The following MEIS3 variants were observed in gnomAD, a reference collection of about 807,000 sequenced individuals.
MEIS3 encodes the protein homeobox protein Meis3.
A neutral mutation model predicts 51.4 loss-of-function variants in MEIS3; 38 were observed. The ratio of observed to expected loss-of-function variants is 0.74; its 90% CI spans 0.57 to 0.97. The LOEUF (loss-of-function observed/expected upper bound fraction) is 0.97, where lower values mean the gene tolerates loss of function less well. Ranked by LOEUF, MEIS3 falls within the 50% of genes least tolerant of loss-of-function variation. The pLI, the probability that MEIS3 is intolerant of heterozygous loss-of-function variation, is 0.00. For synonymous variants in MEIS3, 198 were observed against 201.8 expected (o/e 0.98, Z 0.16); for missense variants, 456 against 502.6 (o/e 0.91, Z 0.89).
intron 4 of MEIS3, 100 bp downstream of exon 4, chr19:47,416,552 G>A (rs1001142758): frequency 1.3e-5 from 12 of 924,840 alleles, no homozygotes; most frequent in African/African-American, 1.7e-5. Flanking sequence ...CATGGACCAG[G>A]TGGCCTTCTC....
Position 47,417,715 on chromosome 19 carries a change from G to C in MEIS3, c.13-365C>G, listed in dbSNP as rs930811488. ...GGGAGATCCATGGACACCTCCTGTA[G>C]GAACCGCGCATTGTTGTACACAAAG... On this transcript the variant is annotated intron_variant, in intron 1 of 12. Transcript: ENST00000558555. 3.7e-5 allele frequency: 26 copies of C among 699,284 alleles called. No individual in the cohort carries two copies. In the African/African-American group the frequency reaches 4.6e-4, roughly 12 times the overall value. The allele number at this position is 699,284 out of a possible 1,614,324, so 43.3% of individuals were successfully genotyped here.
At chr19:47,403,907 A>G in intron 12 of MEIS3, among the ~76,000 whole-genome samples, 1 of 152,014 alleles carries the variant, frequency 6.6e-6, no homozygotes, top group Non-Finnish European at 1.5e-5. Context: ...GAGAGAGAGA[A>G]AGAGAGACAG....
intron 6 of MEIS3, 40 bp downstream of exon 6, chr19:47,414,677 G>A: frequency 6.4e-7 from 1 of 1,552,672 alleles, no homozygotes; most frequent in Non-Finnish European, 8.7e-7. Context: ...AGGCACAGCT[G>A]TGGCTGCAGG....
rs888878957 is a variant in MEIS3, at chr19:47,406,975, C to A, written c.995-4G>T. On this transcript the variant is annotated splice_polypyrimidine_tract_variant and splice_region_variant and intron_variant, in intron 10 of 12. Transcript: ENST00000558555. The stretch of plus-strand genomic sequence containing the variant: ...GGGCTGAAGGCTGCACCCTGCCCTG[C>A]GAAGGGGGTTCAGAGGTGCAGGCTG... The A allele has an allele frequency of 8.3e-6, 13 of 1,574,816 alleles. No homozygotes were observed. In the Admixed American group the frequency reaches 1.7e-4, roughly 20 times the overall value.
Position 47,416,631 on chromosome 19 carries a change from G to A in MEIS3, c.396+21C>T, listed in dbSNP as rs546235305. 1.7e-5 allele frequency: 26 copies of A among 1,507,256 alleles called. No homozygotes were observed. In the East Asian group the frequency reaches 1.7e-4, roughly 10 times the overall value. The allele number at this position is 1,507,256 out of a possible 1,614,324, so 93.4% of individuals were successfully genotyped here. A position where few individuals can be genotyped will look rare whatever the true frequency, so the allele number is the denominator to read the frequency against. ...GGAGACCCATTGGAGGAGGGGGTGTGGGGGAGGGCTCGGGTCTCACCAGAT... is the reference window on the plus strand; with the variant it reads ...GGAGACCCATTGGAGGAGGGGGTGTAGGGGAGGGCTCGGGTCTCACCAGAT... On this transcript the variant is annotated intron_variant, in intron 4 of 12. Coordinates refer to ENST00000558555, the MANE Select transcript of MEIS3 (RefSeq NM_001301059.2).
chr19:47,409,305 C>T (rs1196394566), intron 7 of MEIS3, 58 bp from the exon 8 acceptor site: 7 of 1,583,560 alleles, frequency 4.4e-6, no homozygotes, highest in Non-Finnish European at 6.0e-6. Flanking sequence ...GACCAGAGGG[C>T]CCCAGAACTC....
At chr19:47,403,956 CTT>C (rs985119811) in intron 12 of MEIS3, among the ~76,000 whole-genome samples, 1 of 152,066 alleles carries the variant, frequency 6.6e-6, no homozygotes, top group African/African-American at 2.4e-5. Flanking sequence ...AACCCCAACA[CTT>C]TGGGAGGCAG....
At chr19:47,421,425 G>A (rs1231035247), upstream of MEIS3, among the ~76,000 whole-genome samples, 2 of 152,128 alleles carry the variant, frequency 1.3e-5, no homozygotes, top group African/African-American at 2.4e-5. Flanking sequence ...TGGTCCCCAG[G>A]ATCCCCTCTG....
intron 8 of MEIS3, 52 bp downstream of exon 8, chr19:47,409,047 C>A: frequency 6.3e-7 from 1 of 1,591,228 alleles, no homozygotes; most frequent in Non-Finnish European, 8.5e-7. Flanking sequence ...CTGTGGTCCA[C>A]CCTTCTCCCT....
intron 2 of MEIS3, 25 bp downstream of exon 2, chr19:47,417,153 G>C (rs765088038): frequency 9.8e-6 from 15 of 1,532,788 alleles, no homozygotes; most frequent in Admixed American, 8.9e-5. Flanking sequence ...AGAGAGACAG[G>C]AGCCTGAGAC....
chr19:47,417,840 T>C, intron 1 of MEIS3: 2 of 610,978 alleles, frequency 3.3e-6, no homozygotes, highest in Non-Finnish European at 5.8e-6. Flanking sequence ...ACTCGCCACG[T>C]GAATCTACCA....
chr19:47,407,340 T>TGG lies in MEIS3; in HGVS notation c.935+10_935+11dup. On this transcript the variant is annotated intron_variant, in intron 9 of 12. Coordinates refer to ENST00000558555, the MANE Select transcript of MEIS3 (RefSeq NM_001301059.2). ...CCCCGGGCCGGCCCGCGGGCCCTCC[T>TGG]GGGCCACTCACCAGTTGTTGACTTG... 6.2e-7 allele frequency: 1 copy of TGG among 1,611,786 alleles called. No homozygotes were observed. Among genetic ancestry groups the TGG allele is most frequent in the Admixed American group, 1.7e-5 (1 of 59,956 alleles).
rs548899042 is a variant in MEIS3, at chr19:47,412,860, A to T, written c.597+1857T>A. ...TGGGATTACAGTCGTGAGCCACTGC[A>T]CCTGGCCTAAGTTTTGTATTTTTAG... On this transcript the variant is annotated intron_variant, in intron 6 of 12. Coordinates refer to ENST00000558555, the MANE Select transcript of MEIS3 (RefSeq NM_001301059.2). Among the ~76,000 whole-genome samples the T allele has an allele frequency of 4.0e-5, 6 of 150,800 alleles. No homozygotes were observed. The East Asian group carries it at 1.0e-3, about 25-fold the overall frequency.
intron 6 of MEIS3, among the ~76,000 whole-genome samples, chr19:47,414,410 G>A (rs1376072224): frequency 6.6e-6 from 1 of 152,122 alleles, no homozygotes; most frequent in African/African-American, 2.4e-5. Flanking sequence ...GGACGCTACT[G>A]TCTGGCTGTG....
rs1047169337 is a variant in MEIS3 at position 47,419,232 on chromosome 19, C to T, written c.-151G>A. The stretch of plus-strand genomic sequence containing the variant: ...CGCGCCCCCCCACCCCCGCCGCCGT[C>T]AGCGGCAGGCGCCGGGCCGGGTGGG... On this transcript the variant is annotated 5_prime_UTR_variant, in exon 1 of 13. It removes the in-frame stop codon of an upstream open reading frame in the 5' UTR. Coordinates refer to ENST00000558555, the MANE Select transcript of MEIS3 (RefSeq NM_001301059.2). 3 of 433,934 alleles carry T rather than the reference C, an allele frequency of 6.9e-6. No individual in the cohort carries two copies. The highest frequency in any genetic ancestry group is 4.2e-5 in the African/African-American group (2 of 47,702). 26.9% of individuals were successfully genotyped at this position (433,934 alleles called of 1,614,324 possible).
chr19:47,420,693 A>G (rs562980798), upstream of MEIS3, among the ~76,000 whole-genome samples: 7 of 151,920 alleles, frequency 4.6e-5, no homozygotes, highest in African/African-American at 1.7e-4. Flanking sequence ...ACTCTGAAGC[A>G]TAAATCTTTC....
intron 6 of MEIS3, among the ~76,000 whole-genome samples, chr19:47,413,730 CTTT>C (rs112493679): frequency 1.4e-5 from 2 of 139,382 alleles, no homozygotes; most frequent in Non-Finnish European, 1.6e-5. Flanking sequence ...GGGTTTGATT[CTTT>C]TTTTTTTTTT....
intron 6 of MEIS3, among the ~76,000 whole-genome samples, chr19:47,411,451 G>A (rs1307060030): frequency 6.6e-6 from 1 of 152,034 alleles, no homozygotes; most frequent in Non-Finnish European, 1.5e-5. Flanking sequence ...CTAAATTTAT[G>A]GGACAAAATC....
intron 4 of MEIS3, 121 bp from the exon 5 acceptor site, chr19:47,415,222 A>G: frequency 8.5e-6 from 6 of 706,236 alleles, no homozygotes; most frequent in Non-Finnish European, 1.3e-5. Flanking sequence ...GAGTGAGACA[A>G]AATGACAGGG....
Sources: gnomAD v4.1 joint callset for allele counts (sites outside exome capture counted in the v4.1 genomes callset) on GRCh38, gnomAD v4.1.1 for gene constraint, MANE v1.5 for transcripts, NCBI Gene and HGNC (gene_info 2026-07-23, HGNC 2026-07-21) for gene names.